The following ASXL1 variants were observed in gnomAD, a reference collection of about 807,000 sequenced individuals.
ASXL1 encodes polycomb group protein ASXL1.
In ASXL1, 65 loss-of-function variants were observed where a neutral mutation model predicts 89.1. The observed-to-expected ratio is 0.73, with a 90% CI of 0.60 to 0.90. ASXL1 has a LOEUF of 0.90. Ranked by LOEUF, ASXL1 falls within the 40% of genes least tolerant of loss-of-function variation. ASXL1 has a pLI of 0.00. For synonymous variants in ASXL1, 739 were observed against 746.9 expected (o/e 0.99, Z 0.17); for missense variants, 1,786 against 1,942.9 (o/e 0.92, Z 1.52).
intron 4 of ASXL1, among the ~76,000 whole-genome samples, chr20:32,405,008 G>A (rs1192071903): frequency 3.4e-4 from 51 of 151,706 alleles, no homozygotes; most frequent in Non-Finnish European, 2.9e-5. Flanking sequence ...TATTAGTTTT[G>A]CCCATTTAAA....
At chr20:32,376,071 A>T (rs549693553) in intron 4 of ASXL1, among the ~76,000 whole-genome samples, 1 of 152,212 alleles carries the variant, frequency 6.6e-6, no homozygotes, top group East Asian at 1.9e-4. Flanking sequence ...GTACTAATGT[A>T]GTAATGCCAG....
intron 3 of ASXL1, 132 bp from the exon 4 acceptor site, chr20:32,368,883 A>G: frequency 1.5e-6 from 1 of 664,528 alleles, no homozygotes; most frequent in Non-Finnish European, 2.5e-6. Context: ...TTCACAGTGA[A>G]ATTGTCATGA....
At position 32,435,585 on chromosome 20, in the gene ASXL1, C is replaced by A. The variant is rs763638795; in HGVS notation, c.2873C>A (p.Ser958Ter). The change falls in exon 13 of 13, where the codon TCA becomes TAA. Residue 958 changes from serine (S) to a stop codon, truncating the protein, a stop_gained. Coordinates refer to ENST00000375687, the MANE Select transcript of ASXL1 (RefSeq NM_015338.6). LOFTEE classifies it low-confidence loss of function (END_TRUNC). Reference protein sequence around the residue: ...EGLDPLDSLTSLWTVPSRGGS... With the variant: ...EGLDPLDSLT The stretch of plus-strand genomic sequence containing the variant: ...CTAGATCCTCTTGACAGCCTTACTT[C>A]ACTCTGGACTGTGCCATCTCGAGGA... 6.2e-7 allele frequency: 1 copy of A among 1,614,046 alleles called. No individual in the cohort carries two copies. Among genetic ancestry groups the A allele is most frequent in the African/African-American group, 1.3e-5 (1 of 74,928 alleles).
At chr20:32,425,548 G>C (rs950896943) in intron 4 of ASXL1, among the ~76,000 whole-genome samples, 3 of 152,026 alleles carry the variant, frequency 2.0e-5, no homozygotes, top group African/African-American at 7.3e-5. Context: ...ATCTCATTGC[G>C]GTTTTAATTT....
chr20:32,371,635 C>T (rs971528579), intron 4 of ASXL1: 2 of 203,558 alleles, frequency 9.8e-6, no homozygotes, highest in East Asian at 1.5e-4. Context: ...AACAGGGTCT[C>T]ACACTGTTGT....
intron 3 of ASXL1, 138 bp downstream of exon 3, chr20:32,367,867 A>G (rs2048232675): frequency 1.4e-6 from 1 of 702,324 alleles, no homozygotes; most frequent in South Asian, 1.5e-5. Flanking sequence ...GAGGTATAAT[A>G]TGTAGGAGTC....
At chr20:32,402,230 C>G (rs192667907) in intron 4 of ASXL1, among the ~76,000 whole-genome samples, 2 of 152,142 alleles carry the variant, frequency 1.3e-5, no homozygotes, top group Non-Finnish European at 2.9e-5. Flanking sequence ...ATTTCTCCCC[C>G]CTAAATTACA....
intron 1 of ASXL1, chr20:32,359,694 G>A: frequency 1.4e-6 from 1 of 717,922 alleles, no homozygotes; most frequent in Non-Finnish European, 2.6e-6. Flanking sequence ...GTTCACTGAG[G>A]ATTTAGCAAG....
At chr20:32,407,891 T>C (rs777977389) in intron 4 of ASXL1, among the ~76,000 whole-genome samples, 5 of 152,206 alleles carry the variant, frequency 3.3e-5, no homozygotes, top group Admixed American at 6.5e-5. Context: ...TGCACAAAAA[T>C]ATTTTTTGGC....
chr20:32,389,696 C>T (rs932919218), intron 4 of ASXL1, among the ~76,000 whole-genome samples: 2 of 152,184 alleles, frequency 1.3e-5, no homozygotes, highest in Admixed American at 1.3e-4. Flanking sequence ...AGCGATTCTC[C>T]TGCCTCAGCC....
intron 4 of ASXL1, among the ~76,000 whole-genome samples, chr20:32,377,975 T>TGTGTGTGTGTGTGTGC (rs1166711249): frequency 1.4e-5 from 2 of 142,066 alleles, no homozygotes; most frequent in African/African-American, 5.3e-5. Flanking sequence ...TTTGACTCTG[T>TGTGTGTGTGTGTGTGC]GTGTGTGTGT....
At chr20:32,427,459 A>G (rs1332902072) in intron 4 of ASXL1, 1 of 158,308 alleles carries the variant, frequency 6.3e-6, no homozygotes, top group Non-Finnish European at 1.4e-5. Context: ...ATCCCTCCAC[A>G]TGGGTCTTAC....
intron 4 of ASXL1, among the ~76,000 whole-genome samples, chr20:32,394,044 C>T (rs2048719276): frequency 6.8e-6 from 1 of 146,588 alleles, no homozygotes; most frequent in Non-Finnish European, 1.5e-5. Flanking sequence ...GCACTGTCAC[C>T]TGGGCTGGAG....
intron 4 of ASXL1, among the ~76,000 whole-genome samples, chr20:32,426,661 G>A (rs1002050281): frequency 2.1e-5 from 3 of 144,400 alleles, no homozygotes; most frequent in African/African-American, 7.6e-5. Context: ...CTGGGTTCAA[G>A]TGATTCCCCT....
intron 4 of ASXL1, among the ~76,000 whole-genome samples, chr20:32,411,048 AAAAAAAAT>A (rs1279034084): frequency 0.069 from 1,334 of 19,218 alleles, 139 homozygotes; most frequent in South Asian, 0.12. Flanking sequence ...AAAAAAAAAT[AAAAAAAAT>A]AAAAAAAAAT....
rs1191343540 is a variant in ASXL1 at position 32,433,499 on chromosome 20, G to T, written c.1301G>T (p.Gly434Val). 3 of 1,614,086 alleles carry T rather than the reference G, an allele frequency of 1.9e-6. No homozygotes were observed. In the African/African-American group the frequency reaches 4.0e-5, roughly 22 times the overall value. ...AAAAAACAGGAGTCAGAACAAGCAG[G>T]GGTTGCTAAGGATGCAAAATCTGTG... Reference protein sequence around the residue: ...LYKKQESEQAGVAKDAKSVAS... With the variant: ...LYKKQESEQAVVAKDAKSVAS... Residue 434 changes from glycine (G) to valine (V), a missense_variant, in exon 12 of 13, where the codon GGG (glycine) becomes GTG (valine). Coordinates refer to ENST00000375687, the MANE Select transcript of ASXL1 (RefSeq NM_015338.6).
intron 4 of ASXL1, among the ~76,000 whole-genome samples, chr20:32,403,888 A>G (rs2048914145): frequency 6.6e-6 from 1 of 151,374 alleles, no homozygotes; most frequent in South Asian, 2.1e-4. Flanking sequence ...TTTTTTTTTT[A>G]AAGGTACATA....
chr20:32,408,616 A>G (rs1179033208), intron 4 of ASXL1, among the ~76,000 whole-genome samples: 2 of 152,140 alleles, frequency 1.3e-5, no homozygotes, highest in Admixed American at 6.5e-5. Context: ...GCAGTGACGC[A>G]GTCCTAGCTT....
At chr20:32,401,561 C>CT (rs71336575) in intron 4 of ASXL1, among the ~76,000 whole-genome samples, 1,700 of 137,650 alleles carry the variant, frequency 0.012, 61 homozygotes, top group African/African-American at 0.044. Flanking sequence ...CCCCCCCCCC[C>CT]TTTTTTTTTT....
Sources: gnomAD v4.1 joint callset for allele counts (sites outside exome capture counted in the v4.1 genomes callset) on GRCh38, gnomAD v4.1.1 for gene constraint, MANE v1.5 for transcripts, NCBI Gene and HGNC (gene_info 2026-07-23, HGNC 2026-07-21) for gene names.